The following PLA2G4E variants were observed in gnomAD, a reference collection of about 807,000 sequenced individuals.
PLA2G4E encodes the protein cytosolic phospholipase A2 epsilon.
PLA2G4E carries 84 observed loss-of-function variants against 109.1 expected under a neutral mutation model. That is an observed-to-expected ratio of 0.77 (90% CI 0.65 to 0.92). The LOEUF (loss-of-function observed/expected upper bound fraction) is 0.92. PLA2G4E is among the 40% of genes least tolerant of loss of function. The probability of loss-of-function intolerance (pLI) is 0.00; values close to 1 mark genes in which losing one functional copy is unlikely to be tolerated. For missense variants in PLA2G4E, 1,057 were observed against 1,076.6 expected (o/e 0.98, Z 0.25); for synonymous variants, 469 against 436.1 (o/e 1.08, Z -0.94).
chr15:42,050,694 G>A lies in PLA2G4E; in HGVS notation c.10C>T (p.Gln4Ter), dbSNP rs1213926565. The change falls in exon 1 of 20, where the codon CAG becomes TAG. Residue 4 changes from glutamine (Q) to a stop codon, truncating the protein, a stop_gained. Coordinates refer to ENST00000399518, the Ensembl canonical transcript of PLA2G4E. LOFTEE classifies it high-confidence loss of function. ...AGGCCAGGACAGCCTTCCGAGGCCT[G>A]GAGACTCATCCCAGCCTCCTCTCTG... 7.1e-6 allele frequency: 11 copies of A among 1,549,992 alleles called. No individual in the cohort carries two copies. The highest frequency in any genetic ancestry group is 1.2e-5 in the South Asian group (1 of 83,990).
intron 2 of PLA2G4E, among the ~76,000 whole-genome samples, chr15:42,012,545 C>T (rs2068547065): frequency 6.6e-6 from 1 of 152,196 alleles, no homozygotes; most frequent in African/African-American, 2.4e-5. Flanking sequence ...GCTCCCCTCC[C>T]TCAGGACAGC....
chr15:42,040,425 T>G (rs184813960), intron 1 of PLA2G4E, among the ~76,000 whole-genome samples: 1,758 of 152,362 alleles, frequency 0.012, 10 homozygotes, highest in Non-Finnish European at 0.019. Flanking sequence ...TATCTCCTTG[T>G]ATTAAAATAA....
chr15:42,001,145 A>C lies in PLA2G4E; in HGVS notation c.673+12T>G, dbSNP rs184205798. ...TTGTCCCCCAGTAGGCAGAAAAGGC[A>C]AAACAGCTCACTTTTCTCCCTCTTC... On this transcript the variant is annotated intron_variant, in intron 7 of 19. Coordinates refer to ENST00000399518, the Ensembl canonical transcript of PLA2G4E. 3.9e-5 allele frequency: 63 copies of C among 1,611,328 alleles called. No individual in the cohort carries two copies. In the Admixed American group the frequency reaches 8.8e-4, roughly 23 times the overall value.
intron 1 of PLA2G4E, among the ~76,000 whole-genome samples, chr15:42,032,653 GC>G (rs1406216203): frequency 2.0e-5 from 3 of 152,242 alleles, no homozygotes; most frequent in Non-Finnish European, 2.9e-5. Flanking sequence ...CAACCAAGTG[GC>G]CTTAGAGGCC....
At chr15:42,012,392 C>T (rs1782642696) in intron 2 of PLA2G4E, among the ~76,000 whole-genome samples, 1 of 152,220 alleles carries the variant, frequency 6.6e-6, no homozygotes, top group South Asian at 2.1e-4. Flanking sequence ...ACACCTGGGA[C>T]CAGACCCTAC....
intron 9 of PLA2G4E, 88 bp from the exon 10 acceptor site, chr15:41,999,649 C>T: frequency 6.6e-7 from 1 of 1,509,490 alleles, no homozygotes; most frequent in Non-Finnish European, 9.0e-7. Context: ...AGACCCCACT[C>T]AGCACACACG....
At position 41,999,898 on chromosome 15, in the gene PLA2G4E, C is replaced by T; in HGVS notation, c.936+19G>A. On this transcript the variant is annotated intron_variant, in intron 9 of 19. Coordinates refer to ENST00000399518, the Ensembl canonical transcript of PLA2G4E. ...CAGGGGAAGTAAGTCAGGGGCCCTTCCCAGACTCAGGCACTCACCACAGGC... is the reference window on the plus strand; with the variant it reads ...CAGGGGAAGTAAGTCAGGGGCCCTTTCCAGACTCAGGCACTCACCACAGGC... The T allele has an allele frequency of 6.3e-7, 1 of 1,598,096 alleles. No homozygotes were observed. The highest frequency in any genetic ancestry group is 8.5e-7 in the Non-Finnish European group (1 of 1,171,244).
At chr15:41,996,156 G>T (rs991732755) in intron 11 of PLA2G4E, among the ~76,000 whole-genome samples, 4 of 151,968 alleles carry the variant, frequency 2.6e-5, no homozygotes, top group African/African-American at 9.7e-5. Context: ...AGACCAGCCT[G>T]GGCAACATGT....
At chr15:42,027,640 C>T (rs917895932) in intron 1 of PLA2G4E, among the ~76,000 whole-genome samples, 1 of 152,246 alleles carries the variant, frequency 6.6e-6, no homozygotes, top group Admixed American at 6.5e-5. Context: ...CCCCTCACTT[C>T]TGGCGGCTGA....
exon 10 of PLA2G4E, chr15:41,999,540 T>C (rs2068390869): frequency 6.2e-7 from 1 of 1,610,284 alleles, no homozygotes; most frequent in African/African-American, 1.3e-5. Context: ...GTAGACTTCA[T>C]GTGTAATTCA....
chr15:42,002,705 C>A lies in PLA2G4E; in HGVS notation c.567-9G>T. 6.4e-7 allele frequency: 1 copy of A among 1,573,248 alleles called. No homozygotes were observed. The highest frequency in any genetic ancestry group is 8.6e-7 in the Non-Finnish European group (1 of 1,158,746). ...TCTCAGGTGGAGAGGGACTGAAAAA[C>A]AAAAGGAGAACTCCTGGTCAATTCT... is the stretch of plus-strand genomic sequence containing the variant. On this transcript the variant is annotated splice_polypyrimidine_tract_variant and intron_variant, in intron 5 of 19. Transcript: ENST00000399518.
intron 2 of PLA2G4E, among the ~76,000 whole-genome samples, chr15:42,010,756 G>T (rs2068527969): frequency 6.6e-6 from 1 of 152,300 alleles, no homozygotes; most frequent in Middle Eastern, 3.4e-3. Context: ...TTTCTCAAGA[G>T]AAACAAAAAC....
rs2068576263 is a variant in PLA2G4E, at chr15:42,015,107, AG to A, written c.184-1351del. Among the ~76,000 whole-genome samples, 5 of 152,232 alleles carry A rather than the reference AG, an allele frequency of 3.3e-5. 1 individual carries two copies. The South Asian group carries it at 1.0e-3, about 32-fold the overall frequency. ...ACACCCAGAGCCCTCCCTGGGCTGC[AG>A]TGTCTGGGGCAGTGGCTGTGGTTCC... On this transcript the variant is annotated intron_variant, in intron 1 of 19. Transcript: ENST00000399518.
chr15:42,033,815 T>C (rs1005385497), intron 1 of PLA2G4E, among the ~76,000 whole-genome samples: 2 of 152,080 alleles, frequency 1.3e-5, no homozygotes, highest in Non-Finnish European at 2.9e-5. Flanking sequence ...GAGTGGGCCC[T>C]GGTGGGGATG....
chr15:42,020,229 G>A (rs114518385), intron 1 of PLA2G4E, among the ~76,000 whole-genome samples: 1,892 of 152,334 alleles, frequency 0.012, 44 homozygotes, highest in African/African-American at 0.043. Flanking sequence ...AACTTGAGCC[G>A]GGGAGGTGGC....
intron 11 of PLA2G4E, 95 bp from the exon 12 acceptor site, chr15:41,995,591 G>T: frequency 6.6e-7 from 1 of 1,517,120 alleles, no homozygotes; most frequent in Non-Finnish European, 9.0e-7. Context: ...GAACAATGGA[G>T]GAGGCAGAGC....
intron 12 of PLA2G4E, among the ~76,000 whole-genome samples, chr15:41,993,217 T>G (rs2068281061): frequency 6.6e-6 from 1 of 152,242 alleles, no homozygotes; most frequent in African/African-American, 2.4e-5. Flanking sequence ...AGATGAAGAT[T>G]CTGGATCCAG....
intron 1 of PLA2G4E, among the ~76,000 whole-genome samples, chr15:42,020,077 C>T (rs947470998): frequency 3.2e-4 from 49 of 152,258 alleles, no homozygotes; most frequent in African/African-American, 1.2e-3. Flanking sequence ...GCAGTGTCTA[C>T]CTGGCTGGGC....
intron 2 of PLA2G4E, among the ~76,000 whole-genome samples, chr15:42,011,138 G>T (rs932341289): frequency 1.3e-5 from 2 of 152,152 alleles, no homozygotes; most frequent in Non-Finnish European, 2.9e-5. Context: ...GGGGAAATGA[G>T]GAAAACGTAA....
Sources: gnomAD v4.1 joint callset for allele counts (sites outside exome capture counted in the v4.1 genomes callset) on GRCh38, gnomAD v4.1.1 for gene constraint, MANE v1.5 for transcripts, NCBI Gene and HGNC (gene_info 2026-07-23, HGNC 2026-07-21) for gene names.